The following USH2A variants were observed in gnomAD, a reference collection of about 807,000 sequenced individuals.
USH2A encodes the protein usherin, also known as Usher syndrome 2A (autosomal recessive, mild).
In USH2A, 443 loss-of-function variants were observed where a neutral mutation model predicts 538.9. The ratio of observed to expected loss-of-function variants is 0.82; its 90% CI spans 0.76 to 0.89. The LOEUF (loss-of-function observed/expected upper bound fraction) is 0.89. Among genes scored for constraint, USH2A ranks in the 40% least tolerant of loss-of-function variants. The pLI, the probability that USH2A is intolerant of heterozygous loss-of-function variation, is 0.00. For missense variants in USH2A, 6,633 were observed against 6,324.8 expected, an observed-to-expected ratio of 1.05 and a Z score of -1.65; for synonymous variants, 2,413 against 2,273.5, an observed-to-expected ratio of 1.06 and a Z score of -1.75.
chr1:215,766,278 T>G (rs1000169982), intron 56 of USH2A, among the ~76,000 whole-genome samples: 1 of 152,192 alleles, frequency 6.6e-6, no homozygotes, highest in Non-Finnish European at 1.5e-5. Flanking sequence ...ACATCAACTT[T>G]CAGATTTTCT....
intron 19 of USH2A, among the ~76,000 whole-genome samples, chr1:216,194,941 A>G (rs2034805626): frequency 6.6e-6 from 1 of 152,152 alleles, no homozygotes; most frequent in African/African-American, 2.4e-5. Context: ...CACTAGAGGT[A>G]AGCATTGTGG....
chr1:215,834,881 C>G (rs1663432058), intron 47 of USH2A, among the ~76,000 whole-genome samples: 1 of 151,046 alleles, frequency 6.6e-6, no homozygotes. Flanking sequence ...TTGTCTCTCT[C>G]TCTTTTAAAT....
At chr1:216,158,679 T>G (rs2033997896) in intron 21 of USH2A, among the ~76,000 whole-genome samples, 1 of 152,268 alleles carries the variant, frequency 6.6e-6, no homozygotes, top group South Asian at 2.1e-4. Flanking sequence ...CCTTTTTTAG[T>G]ATTGCCTTGG....
chr1:216,411,959 T>C (rs2102774404), intron 3 of USH2A, among the ~76,000 whole-genome samples: 1 of 152,318 alleles, frequency 6.6e-6, no homozygotes, highest in East Asian at 1.9e-4. Context: ...GACCAAATCA[T>C]TCTTCATGTG....
At chr1:216,142,660 G>C (rs1371292227) in intron 21 of USH2A, among the ~76,000 whole-genome samples, 1 of 152,158 alleles carries the variant, frequency 6.6e-6, no homozygotes, top group Non-Finnish European at 1.5e-5. Flanking sequence ...CCAGAGATCA[G>C]TAAAACAATA....
intron 56 of USH2A, 31 bp from the exon 57 acceptor site, chr1:215,759,874 G>A (rs373968882): frequency 6.2e-7 from 1 of 1,612,980 alleles, no homozygotes; most frequent in African/African-American, 1.3e-5. Flanking sequence ...AGGTTTTATT[G>A]TTAGGAGAAA....
rs1268140508 is a variant in USH2A, at chr1:215,674,397, T to C, written c.13514A>G (p.Tyr4505Cys). Residue 4505 changes from tyrosine (Y) to cysteine (C), a missense_variant, in exon 63 of 72, where the codon TAT becomes TGT. Tyr to Cys is a radical substitution (Grantham distance 194). Transcript: ENST00000307340. The stretch of plus-strand genomic sequence containing the variant: ...GTTGCTGGCAGTTACTGTGTAGCTA[T>C]ACTCCACACCTGGGGTGAGAGTAAA... The part of the protein sequence containing the change: ...RDFTLTPGVE[Y>C]SYTVTASNSQ... The C allele has an allele frequency of 1.2e-6, 2 of 1,614,022 alleles. No homozygotes were observed. Among genetic ancestry groups the C allele is most frequent in the Admixed American group, 1.7e-5 (1 of 60,000 alleles).
At chr1:216,259,817 T>A (rs954287402) in intron 11 of USH2A, among the ~76,000 whole-genome samples, 3 of 151,992 alleles carry the variant, frequency 2.0e-5, no homozygotes, top group Admixed American at 2.0e-4. Context: ...TACTTTAAAA[T>A]AACAGCAATT....
At chr1:216,353,696 A>C (rs905353390) in intron 4 of USH2A, among the ~76,000 whole-genome samples, 18 of 152,156 alleles carry the variant, frequency 1.2e-4, no homozygotes, top group African/African-American at 4.1e-4. Flanking sequence ...TGCCAAAGAA[A>C]AAAAGGGGTA....
At chr1:215,843,879 T>C (rs1663764216) in intron 46 of USH2A, among the ~76,000 whole-genome samples, 1 of 152,154 alleles carries the variant, frequency 6.6e-6, no homozygotes, top group Non-Finnish European at 1.5e-5. Flanking sequence ...AAGTGAAGTT[T>C]CATAACTTCT....
intron 47 of USH2A, among the ~76,000 whole-genome samples, chr1:215,825,805 T>C (rs893709254): frequency 2.0e-5 from 3 of 152,236 alleles, no homozygotes; most frequent in African/African-American, 7.2e-5. Flanking sequence ...ATTCTTTGCT[T>C]TCAAGTCAAG....
intron 61 of USH2A, among the ~76,000 whole-genome samples, chr1:215,724,087 TCTATA>T (rs1463992093): frequency 1.3e-5 from 2 of 152,036 alleles, no homozygotes; most frequent in African/African-American, 2.4e-5. Flanking sequence ...TATATCTATA[TCTATA>T]TCTATATCAT....
intron 47 of USH2A, among the ~76,000 whole-genome samples, chr1:215,822,953 G>A (rs1663051463): frequency 6.6e-6 from 1 of 151,920 alleles, no homozygotes; most frequent in Admixed American, 6.6e-5. Flanking sequence ...TCCATATTTT[G>A]ACTTTATGTC....
At chr1:216,323,737 AT>A in intron 7 of USH2A, 42 bp from the exon 8 acceptor site, 10 of 1,595,580 alleles carry the variant, frequency 6.3e-6, no homozygotes, top group Non-Finnish European at 8.6e-6. Context: ...ATCTATTCAC[AT>A]TTTTGGCAAA....
intron 20 of USH2A, among the ~76,000 whole-genome samples, chr1:216,180,410 T>C (rs1194451030): frequency 1.3e-5 from 2 of 152,156 alleles, no homozygotes; most frequent in Admixed American, 6.6e-5. Context: ...ATTCGATGTA[T>C]AGATATTTTT....
intron 4 of USH2A, among the ~76,000 whole-genome samples, chr1:216,362,100 A>AT (rs1177573491): frequency 6.6e-6 from 1 of 152,044 alleles, no homozygotes; most frequent in African/African-American, 2.4e-5. Flanking sequence ...TTTTATATTT[A>AT]TGCACTATCT....
rs111033412 is a variant in USH2A, at chr1:215,993,104, G to A, written c.6721C>T (p.Pro2241Ser). The change falls in exon 35 of 72, where the codon CCC (proline) becomes TCC (serine). Residue 2241 changes from proline to serine, a missense_variant. By Grantham distance (74) the Pro-to-Ser change is moderately conservative. Coordinates refer to ENST00000307340, the MANE Select transcript of USH2A (RefSeq NM_206933.4). Reference sequence around the variant, plus strand: ...GCTTTGGGGGCTGGCACGCCTTCGGGTATGTCCTCGTCAGTTAGGGCCTCA... The same window carrying A: ...GCTTTGGGGGCTGGCACGCCTTCGGATATGTCCTCGTCAGTTAGGGCCTCA... ...ASEALTDEDI[P>S]EGVPAPKAHS... is the part of the protein sequence containing the mutation. 5 of 1,614,050 alleles carry A rather than the reference G, an allele frequency of 3.1e-6. No individual in the cohort carries two copies. Among genetic ancestry groups the A allele is most frequent in the Non-Finnish European group, 4.2e-6 (5 of 1,179,986 alleles).
At position 215,789,909 on chromosome 1, in the gene USH2A, G is replaced by A. The variant is rs966098376; in HGVS notation, c.10182+150C>T. 13 of 710,362 alleles carry A rather than the reference G, an allele frequency of 1.8e-5. 1 individual carries two copies. The highest frequency in any genetic ancestry group is 1.2e-4 in the South Asian group (7 of 56,434). The allele number at this position is 710,362 out of a possible 1,614,324, so 44.0% of individuals were successfully genotyped here. A position where few individuals can be genotyped will look rare whatever the true frequency, so the allele number is the denominator to read the frequency against. On this transcript the variant is annotated intron_variant, in intron 51 of 71. Transcript: ENST00000307340. ...TCATTGCAATAACATCAATCATAGCGAACTCATTCGGTATTAATATGGATG... is the reference window on the plus strand; with the variant it reads ...TCATTGCAATAACATCAATCATAGCAAACTCATTCGGTATTAATATGGATG...
At chr1:216,163,958 A>AT (rs2034118605) in intron 21 of USH2A, among the ~76,000 whole-genome samples, 1 of 151,974 alleles carries the variant, frequency 6.6e-6, no homozygotes, top group Admixed American at 6.6e-5. Context: ...TTTTTGAGAA[A>AT]TTTTTTCCAG....
Sources: gnomAD v4.1 joint callset for allele counts (sites outside exome capture counted in the v4.1 genomes callset) on GRCh38, gnomAD v4.1.1 for gene constraint, MANE v1.5 for transcripts, NCBI Gene and HGNC (gene_info 2026-07-23, HGNC 2026-07-21) for gene names.